Variants in ZNF620 observed in about 807,000 individuals in gnomAD.
The protein encoded by ZNF620 is zinc finger protein 620.
A neutral mutation model predicts 13.3 loss-of-function variants in ZNF620; 10 were observed. The observed-to-expected ratio is 0.75, with a 90% CI of 0.46 to 1.28. ZNF620 has a LOEUF of 1.28. Among genes scored for constraint, ZNF620 ranks in the 50% most tolerant of loss-of-function variants. The pLI, the probability that ZNF620 is intolerant of heterozygous loss-of-function variation, is 0.00. For missense variants in ZNF620, 461 were observed against 500.2 expected, an observed-to-expected ratio of 0.92 and a Z score of 0.75; for synonymous variants, 166 against 177.6, an observed-to-expected ratio of 0.93 and a Z score of 0.52.
rs575472124 is a variant in ZNF620, at chr3:40,508,581, T to C, written c.24+2205T>C. The C allele has an allele frequency of 6.8e-5, 18 of 263,186 alleles. No homozygotes were observed. The East Asian group carries it at 1.9e-3, about 27-fold the overall frequency. The allele number at this position is 263,186 out of a possible 1,614,324, so 16.3% of individuals were successfully genotyped here. On this transcript the variant is annotated intron_variant, in intron 2 of 4. Transcript: ENST00000314529. ...GAGCTTTCTTTTATGGCCCAGAATA[T>C]GGACTGTCTACCTATCTACATTGTC...
chr3:40,515,763 C>A, intron 4 of ZNF620, 97 bp from the exon 5 acceptor site: 1 of 1,425,078 alleles, frequency 7.0e-7, no homozygotes, highest in Non-Finnish European at 9.4e-7. Flanking sequence ...GATTCTGTTT[C>A]TTCTTCAGCA....
chr3:40,516,417 A>T lies in ZNF620; in HGVS notation c.823A>T (p.Thr275Ser). ...CTTGATTCAGCATCAGAGAATCCAC[A>T]CTGGAGAAAAGCCCTATGAATGTAA... Reference protein sequence around the residue: ...TALIQHQRIHTGEKPYECKEC... With the variant: ...TALIQHQRIHSGEKPYECKEC... The change falls in exon 5 of 5, where the codon ACT (threonine) becomes TCT (serine). Residue 275 changes from threonine to serine, a missense_variant. Transcript: ENST00000314529. 4.3e-6 allele frequency: 7 copies of T among 1,614,254 alleles called. No homozygotes were observed. The highest frequency in any genetic ancestry group is 5.9e-6 in the Non-Finnish European group (7 of 1,180,038).
In ZNF620 at chr3:40,516,100, A is replaced by C. The variant is rs781604523; in HGVS notation, c.506A>C (p.Lys169Thr). ...HEAYEVKNGE[K>T]FEKLGKNISV... Reference sequence around the variant, plus strand: ...GCCTATGAGGTCAAGAATGGAGAGAAGTTTGAGAAATTAGGAAAAAATATT... The same window carrying C: ...GCCTATGAGGTCAAGAATGGAGAGACGTTTGAGAAATTAGGAAAAAATATT... Residue 169 changes from lysine to threonine, a missense_variant, in exon 5 of 5, where the codon AAG (lysine) becomes ACG (threonine). Transcript: ENST00000314529. 6.2e-7 allele frequency: 1 copy of C among 1,614,158 alleles called. No homozygotes were observed. The highest frequency in any genetic ancestry group is 1.1e-5 in the South Asian group (1 of 91,088).
chr3:40,506,722 C>T (rs543334560), intron 2 of ZNF620, among the ~76,000 whole-genome samples: 1 of 152,160 alleles, frequency 6.6e-6, no homozygotes, highest in African/African-American at 2.4e-5. Flanking sequence ...TTTGTAGATT[C>T]CATTGTATTT....
chr3:40,511,463 G>A lies in ZNF620; in HGVS notation c.25-7G>A. ...CACAGGGTTTGAGCAGGAACTTGTTGTTTTAGGAACCAGTGACCTTTGAGG... is the reference window on the plus strand; with the variant it reads ...CACAGGGTTTGAGCAGGAACTTGTTATTTTAGGAACCAGTGACCTTTGAGG... On this transcript the variant is annotated splice_region_variant and splice_polypyrimidine_tract_variant and intron_variant, in intron 2 of 4. Coordinates refer to ENST00000314529, the MANE Select transcript of ZNF620 (RefSeq NM_175888.4). The A allele has an allele frequency of 1.2e-6, 2 of 1,612,450 alleles. No homozygotes were observed. Among genetic ancestry groups the A allele is most frequent in the Non-Finnish European group, 1.7e-6 (2 of 1,179,002 alleles).
Position 40,516,337 on chromosome 3 carries a change from G to A in ZNF620, c.743G>A (p.Gly248Glu), listed in dbSNP as rs1698384154. The A allele has an allele frequency of 6.2e-7, 1 of 1,614,166 alleles. No homozygotes were observed. The highest frequency in any genetic ancestry group is 8.5e-7 in the Non-Finnish European group (1 of 1,180,022). ...ATTCGGCATCAGATAATTCACACTG[G>A]AAAGAAACCATTTAAATGTAAAGAA... ...LLIRHQIIHT[G>E]KKPFKCKECG... The change falls in exon 5 of 5, where the codon GGA becomes GAA. Residue 248 changes from glycine (G) to glutamate (E), a missense_variant. Coordinates refer to ENST00000314529, the MANE Select transcript of ZNF620 (RefSeq NM_175888.4).
chr3:40,510,029 ATT>A (rs368849943), intron 2 of ZNF620, among the ~76,000 whole-genome samples: 2 of 143,724 alleles, frequency 1.4e-5, no homozygotes, highest in Admixed American at 7.0e-5. Flanking sequence ...TTCCCTTAGC[ATT>A]TTTTTTTTTT....
At chr3:40,515,748 C>G in intron 4 of ZNF620, 112 bp from the exon 5 acceptor site, 1 of 1,356,438 alleles carries the variant, frequency 7.4e-7, no homozygotes. Context: ...AAATTAGAAC[C>G]ACTTGATTCT....
In ZNF620 at chr3:40,506,156, C is replaced by T. The variant is rs1698008682; in HGVS notation, c.-50+18C>T. The T allele has an allele frequency of 1.3e-5, 9 of 677,522 alleles. No individual in the cohort carries two copies. Among genetic ancestry groups the T allele is most frequent in the East Asian group, 2.7e-5 (1 of 36,654 alleles). 42.0% of individuals were successfully genotyped at this position (677,522 alleles called of 1,614,324 possible). A position where few individuals can be genotyped will look rare whatever the true frequency, so the allele number is the denominator to read the frequency against. On this transcript the variant is annotated intron_variant, in intron 1 of 4. Transcript: ENST00000314529. ...CGGTCCGGGTAACTGATTGGTTTTC[C>T]TGGGGCTTGTTCTGCCTGGTTTTGC... is the stretch of plus-strand genomic sequence containing the variant.
In ZNF620 at chr3:40,506,039, A is replaced by G; in HGVS notation, c.-149A>G. On this transcript the variant is annotated 5_prime_UTR_variant, in exon 1 of 5. Transcript: ENST00000314529. ...AAACGCACTTCCGGCGGAGGGTCTC[A>G]AGCTTTCCCCGGTGTCGGCGGCAGG... 4.2e-6 allele frequency: 2 copies of G among 479,424 alleles called. No individual in the cohort carries two copies. The highest frequency in any genetic ancestry group is 3.8e-6 in the Non-Finnish European group (1 of 261,466). 29.7% of individuals were successfully genotyped at this position (479,424 alleles called of 1,614,324 possible).
Position 40,516,523 on chromosome 3 carries a change from G to A in ZNF620, c.929G>A (p.Cys310Tyr), listed in dbSNP as rs772036476. Residue 310 changes from cysteine to tyrosine, a missense_variant, in exon 5 of 5, where the codon TGT (cysteine) becomes TAT (tyrosine). Coordinates refer to ENST00000314529, the MANE Select transcript of ZNF620 (RefSeq NM_175888.4). ...RFHTGEKLYE[C>Y]NECWKTFSCS... ...CACACTGGGGAGAAGCTCTATGAATGTAACGAATGTTGGAAAACTTTCAGT... is the reference window on the plus strand; with the variant it reads ...CACACTGGGGAGAAGCTCTATGAATATAACGAATGTTGGAAAACTTTCAGT... The A allele has an allele frequency of 1.1e-5, 17 of 1,614,178 alleles. 1 individual carries two copies. In the South Asian group the frequency reaches 1.5e-4, roughly 15 times the overall value.
intron 4 of ZNF620, among the ~76,000 whole-genome samples, chr3:40,514,813 T>C (rs139302687): frequency 1.6e-4 from 25 of 152,286 alleles, no homozygotes; most frequent in East Asian, 5.8e-4. Context: ...TTTTTTAATC[T>C]TTCTTATTCT....
chr3:40,516,924 A>T lies in ZNF620; in HGVS notation c.*61A>T. The T allele has an allele frequency of 1.3e-6, 2 of 1,507,744 alleles. No homozygotes were observed. Among genetic ancestry groups the T allele is most frequent in the Middle Eastern group, 2.1e-4 (1 of 4,722 alleles). The allele number at this position is 1,507,744 out of a possible 1,614,324, so 93.4% of individuals were successfully genotyped here. A position where few individuals can be genotyped will look rare whatever the true frequency, so the allele number is the denominator to read the frequency against. On this transcript the variant is annotated 3_prime_UTR_variant, in exon 5 of 5. Coordinates refer to ENST00000314529, the MANE Select transcript of ZNF620 (RefSeq NM_175888.4). ...TTTTCTCTTTATTTTCATGCTTTTT[A>T]TCAGTGTCCTCGCTGTCCTTCCTGG... is the stretch of plus-strand genomic sequence containing the variant.
Position 40,507,575 on chromosome 3 carries a change from T to C in ZNF620, c.24+1199T>C, listed in dbSNP as rs544344462. 2.5e-4 allele frequency among the ~76,000 whole-genome samples: 38 copies of C among 152,308 alleles called. 1 individual carries two copies. In the South Asian group the frequency reaches 7.9e-3, roughly 32 times the overall value. On this transcript the variant is annotated intron_variant, in intron 2 of 4. Transcript: ENST00000314529. ...TTTATGAGGTATTGATTTGCAGTTT[T>C]CTTTTCTTGTGATGTCTTTGTTCCA...
rs1297156784 is a variant in ZNF620, at chr3:40,516,092, T to G, written c.498T>G (p.Asn166Lys). Residue 166 changes from asparagine (N) to lysine (K), a missense_variant, in exon 5 of 5, where the codon AAT becomes AAG. Coordinates refer to ENST00000314529, the MANE Select transcript of ZNF620 (RefSeq NM_175888.4). ...ARHHEAYEVK[N>K]GEKFEKLGKN... is the part of the protein sequence containing the mutation. ...ACCATGAGGCCTATGAGGTCAAGAA[T>G]GGAGAGAAGTTTGAGAAATTAGGAA... 3.7e-6 allele frequency: 6 copies of G among 1,613,880 alleles called. No homozygotes were observed. The highest frequency in any genetic ancestry group is 3.4e-6 in the Non-Finnish European group (4 of 1,180,002).
chr3:40,508,764 TG>T (rs1267950637), intron 2 of ZNF620: 2 of 456,332 alleles, frequency 4.4e-6, no homozygotes, highest in Non-Finnish European at 8.8e-6. Flanking sequence ...GAGACTAAGT[TG>T]AGACTACAGG....
At chr3:40,514,507 T>C (rs956307794) in intron 4 of ZNF620, among the ~76,000 whole-genome samples, 7 of 152,014 alleles carry the variant, frequency 4.6e-5, no homozygotes, top group Non-Finnish European at 5.9e-5. Flanking sequence ...ATTTCTACCA[T>C]CTCTCGTCTC....
intron 4 of ZNF620, among the ~76,000 whole-genome samples, chr3:40,513,286 G>A (rs1185071515): frequency 2.5e-5 from 3 of 121,756 alleles, no homozygotes; most frequent in Admixed American, 9.4e-5. Flanking sequence ...CCAACATGAC[G>A]AAACCCCGTC....
chr3:40,506,252 C>T, intron 1 of ZNF620, 52 bp from the exon 2 acceptor site: 3 of 1,480,142 alleles, frequency 2.0e-6, no homozygotes, highest in East Asian at 2.3e-5. Context: ...AGGGCATTTG[C>T]GGGGTGCGAG....
Sources: allele counts gnomAD v4.1 joint callset (sites outside exome capture counted in the v4.1 genomes callset), GRCh38; gene constraint gnomAD v4.1.1; transcripts MANE v1.5; gene names NCBI Gene and HGNC (gene_info 2026-07-23, HGNC 2026-07-21).